The following SEC16A variants were observed in gnomAD, a reference collection of about 807,000 sequenced individuals.
The protein encoded by SEC16A is SEC16 homolog A, endoplasmic reticulum export factor.
A neutral mutation model predicts 221.9 loss-of-function variants in SEC16A; 110 were observed. The ratio of observed to expected loss-of-function variants is 0.50; its 90% CI spans 0.42 to 0.58. The LOEUF (loss-of-function observed/expected upper bound fraction) is 0.58. Among genes scored for constraint, SEC16A ranks in the 20% least tolerant of loss-of-function variants. The probability of loss-of-function intolerance (pLI) is 0.00; values close to 1 mark genes in which losing one functional copy is unlikely to be tolerated. For synonymous variants in SEC16A, 1,393 were observed against 1,257.7 expected, an observed-to-expected ratio of 1.11 and a Z score of -2.28; for missense variants, 3,165 against 3,097.8, an observed-to-expected ratio of 1.02 and a Z score of -0.52.
chr9:136,468,869 G>C (rs1429432818), intron 4 of SEC16A, among the ~76,000 whole-genome samples: 1 of 150,170 alleles, frequency 6.7e-6, no homozygotes, highest in African/African-American at 2.5e-5. Flanking sequence ...TTTTTTTCTT[G>C]AGACAGGTTT....
At chr9:136,453,622 G>C in intron 21 of SEC16A, 112 bp from the exon 22 acceptor site, 1 of 784,600 alleles carries the variant, frequency 1.3e-6, no homozygotes, top group Non-Finnish European at 2.2e-6. Flanking sequence ...CGCCACACCA[G>C]CATGATCTGC....
At chr9:136,481,363 C>CT (rs889523317) in intron 1 of SEC16A, among the ~76,000 whole-genome samples, 1 of 152,160 alleles carries the variant, frequency 6.6e-6, no homozygotes, top group Non-Finnish European at 1.5e-5. Context: ...TGGTCTCGAT[C>CT]TCCTGACCTC....
chr9:136,465,656 G>C (rs1173936609), intron 8 of SEC16A, among the ~76,000 whole-genome samples: 1 of 152,220 alleles, frequency 6.6e-6, no homozygotes, highest in East Asian at 1.9e-4. Flanking sequence ...GCTGAGCCAC[G>C]GGGTCTGCGA....
rs767503293 is a variant in SEC16A at position 136,456,128 on chromosome 9, T to C, written c.5589A>G (p.Lys1863=). The change falls in exon 19 of 32, where the codon AAA becomes AAG. Residue 1863 remains lysine, a synonymous_variant. Coordinates refer to ENST00000684901, the MANE Select transcript of SEC16A (RefSeq NM_014866.2). ...SQLRLFDPQL[K]EKPEEESLAA... ...CCAAGGACTCCTCTTCTGGCTTCTC[T>C]TTCAGCTGGGGATCGAAGAGTCGTA... The C allele has an allele frequency of 2.5e-6, 4 of 1,612,632 alleles. No homozygotes were observed. Among genetic ancestry groups the C allele is most frequent in the Non-Finnish European group, 3.4e-6 (4 of 1,179,818 alleles).
rs770240738 is a variant in SEC16A at position 136,474,921 on chromosome 9, G to A, written c.2695C>T (p.Pro899Ser). The A allele has an allele frequency of 1.9e-6, 3 of 1,613,850 alleles. No individual in the cohort carries two copies. The highest frequency in any genetic ancestry group is 1.7e-5 in the Admixed American group (1 of 60,016). ...AAATTACTTTGGGCAACACTGCTAG[G>A]CAGAGACAAGCTAAGGACAGAGCTG... ...PTSSVLSLSL[P>S]SSVAQSNFPQ... The change falls in exon 3 of 32, where the codon CCT (proline) becomes TCT (serine). Residue 899 changes from proline (P) to serine (S), a missense_variant. Physicochemically the swap from Pro to Ser is moderately conservative, Grantham distance 74. Coordinates refer to ENST00000684901, the MANE Select transcript of SEC16A (RefSeq NM_014866.2).
rs1839480051 is a variant in SEC16A at position 136,461,558 on chromosome 9, C to T, written c.4894-284G>A. ...ATCACAAACAGGGCTAATCACGCAG[C>T]GCTGCCCACCACGCCGCCCCATCCA... On this transcript the variant is annotated intron_variant, in intron 12 of 31. Coordinates refer to ENST00000684901, the MANE Select transcript of SEC16A (RefSeq NM_014866.2). Among the ~76,000 whole-genome samples the T allele has an allele frequency of 2.6e-5, 4 of 152,184 alleles. No homozygotes were observed. In the South Asian group the frequency reaches 6.2e-4, roughly 24 times the overall value.
rs1316887372 is a variant in SEC16A, at chr9:136,478,766, C to A, written c.-127G>T. ...GGAAGATCACTTGTGTCCATGAGTT[C>A]GAGGCTGCAGTGAGCTATGATTATA... On this transcript the variant is annotated 5_prime_UTR_variant, in exon 2 of 32. Coordinates refer to ENST00000684901, the MANE Select transcript of SEC16A (RefSeq NM_014866.2). 6.6e-6 allele frequency among the ~76,000 whole-genome samples: 1 copy of A among 151,724 alleles called. No homozygotes were observed. The highest frequency in any genetic ancestry group is 1.5e-5 in the Non-Finnish European group (1 of 67,964).
chr9:136,477,719 C>T (rs1841832597), intron 2 of SEC16A, 35 bp from the exon 3 acceptor site: 2 of 1,433,860 alleles, frequency 1.4e-6, no homozygotes, highest in Non-Finnish European at 9.1e-7. Flanking sequence ...GCATAAAATC[C>T]ATATATTCAA....
In SEC16A at chr9:136,476,989, C is replaced by A; in HGVS notation, c.627G>T (p.Leu209=). 1 of 1,613,346 alleles carries A rather than the reference C, an allele frequency of 6.2e-7. No individual in the cohort carries two copies. Among genetic ancestry groups the A allele is most frequent in the South Asian group, 1.1e-5 (1 of 91,086 alleles). The change falls in exon 3 of 32, where the codon CTG becomes CTT. Residue 209 remains leucine, a synonymous_variant. Coordinates refer to ENST00000684901, the MANE Select transcript of SEC16A (RefSeq NM_014866.2). Reference sequence around the variant, plus strand: ...CTGGCCCCCACTGTCCTGGCATCTGCAGACCAGGCTGAGGGAGGGAAGGGG... The same window carrying A: ...CTGGCCCCCACTGTCCTGGCATCTGAAGACCAGGCTGAGGGAGGGAAGGGG... ...AASPSLPQPG[L]QMPGQWGPVQ... is the part of the protein sequence containing the mutation.
chr9:136,451,095 TACACAG>T (rs1374637501), intron 23 of SEC16A, among the ~76,000 whole-genome samples, 155 bp downstream of exon 23: 1 of 152,128 alleles, frequency 6.6e-6, no homozygotes, highest in African/African-American at 2.4e-5. Context: ...AAGGCACAAA[TACACAG>T]ACACCCATCA....
chr9:136,446,350 C>T (rs13301660), intron 28 of SEC16A, among the ~76,000 whole-genome samples: 30,125 of 151,442 alleles, frequency 0.2, 3,458 homozygotes, highest in Non-Finnish European at 0.27. Context: ...CTCAGGTGAC[C>T]CGCCCAGCTC....
At position 136,464,670 on chromosome 9, in the gene SEC16A, C is replaced by A. The variant is rs186292102; in HGVS notation, c.4304-108G>T. On this transcript the variant is annotated intron_variant, in intron 8 of 31. Coordinates refer to ENST00000684901, the MANE Select transcript of SEC16A (RefSeq NM_014866.2). ...CTTAAATCACAGGTTAGATTTATCA[C>A]GACAGACTTCCAACTCAAAAGTCGG... 5 of 973,088 alleles carry A rather than the reference C, an allele frequency of 5.1e-6. No individual in the cohort carries two copies. The East Asian group carries it at 9.7e-5, about 19-fold the overall frequency. The allele number at this position is 973,088 out of a possible 1,614,324, so 60.3% of individuals were successfully genotyped here. A position where few individuals can be genotyped will look rare whatever the true frequency, so the allele number is the denominator to read the frequency against.
At chr9:136,449,681 C>G (rs982504604) in intron 23 of SEC16A, among the ~76,000 whole-genome samples, 2 of 152,218 alleles carry the variant, frequency 1.3e-5, no homozygotes, top group African/African-American at 4.8e-5. Context: ...GCCTCAGCAG[C>G]TACTACACAC....
Position 136,454,214 on chromosome 9 carries a change from G to A in SEC16A, c.5971C>T (p.Pro1991Ser). ...GAGGGCTCCAGGAAGCCAAGTGCAG[G>A]CCCTGGGGTCACACAGCCAGGACCC... ...EPGPGCVTPG[P>S]ALGFLEPSGP... is the part of the protein sequence containing the mutation. The change falls in exon 21 of 32, where the codon CCT becomes TCT. Residue 1991 changes from proline to serine, a missense_variant. Transcript: ENST00000684901. The A allele has an allele frequency of 6.4e-7, 1 of 1,567,266 alleles. No homozygotes were observed. Among genetic ancestry groups the A allele is most frequent in the East Asian group, 2.3e-5 (1 of 42,574 alleles).
At chr9:136,463,892 T>C (rs528080268) in intron 9 of SEC16A, among the ~76,000 whole-genome samples, 152 bp from the exon 10 acceptor site, 12 of 152,382 alleles carry the variant, frequency 7.9e-5, no homozygotes, top group Middle Eastern at 3.4e-3. Context: ...CTGTCGAGGC[T>C]GTTACATGGA....
At chr9:136,455,085 G>A (rs1473237267) in intron 20 of SEC16A, among the ~76,000 whole-genome samples, 1 of 152,220 alleles carries the variant, frequency 6.6e-6, no homozygotes, top group Non-Finnish European at 1.5e-5. Context: ...GCAGGAAGGA[G>A]CCCGTGCTCA....
rs12375759 is a variant in SEC16A at position 136,462,952 on chromosome 9, C to T, written c.4828G>A (p.Ala1610Thr). 4.4e-6 allele frequency: 7 copies of T among 1,606,422 alleles called. No homozygotes were observed. Among genetic ancestry groups the T allele is most frequent in the Non-Finnish European group, 5.9e-6 (7 of 1,179,862 alleles). ...LSFLTGGPAA[A>T]ASSLERETER... ...GTCTCTCTCTCGAGCGAGCTGGCGG[C>T]AGCCGCCGGACCACCAGTGAGGAAA... is the stretch of plus-strand genomic sequence containing the variant. Residue 1610 changes from alanine (A) to threonine (T), a missense_variant, in exon 12 of 32, where the codon GCC becomes ACC. Physicochemically the swap from Ala to Thr is moderately conservative, Grantham distance 58. Around this residue, in one of 3 missense-constraint regions of SEC16A, gnomAD observed 1,088 missense variants for 1,089.6 expected, o/e 1.00. Transcript: ENST00000684901.
chr9:136,447,219 C>G lies in SEC16A; in HGVS notation c.6697+8G>C. 6.3e-7 allele frequency: 1 copy of G among 1,588,686 alleles called. No homozygotes were observed. Among genetic ancestry groups the G allele is most frequent in the Non-Finnish European group, 8.6e-7 (1 of 1,168,802 alleles). On this transcript the variant is annotated splice_region_variant and intron_variant, in intron 27 of 31. Coordinates refer to ENST00000684901, the MANE Select transcript of SEC16A (RefSeq NM_014866.2). This position sits in a 1 kb window ranked among gnomAD's most constrained non-coding sequence, Gnocchi z 5.5. ...TGACCTGGAGGGGCTGGTGCTCGTG[C>G]TACCTACCTGGGGTTGGCACGAACA...
intron 31 of SEC16A, among the ~76,000 whole-genome samples, chr9:136,442,116 A>C (rs1836269836): frequency 6.6e-6 from 1 of 152,222 alleles, no homozygotes; most frequent in South Asian, 2.1e-4. Flanking sequence ...CTGCAGAGCC[A>C]GCCTGGCTGT....
Sources: gnomAD v4.1 joint callset for allele counts (sites outside exome capture counted in the v4.1 genomes callset) on GRCh38, gnomAD v4.1.1 for gene constraint, gnomAD v4.1.1 regional missense constraint, Gnocchi (gnomAD v3.1) non-coding constraint, MANE v1.5 for transcripts, NCBI Gene and HGNC (gene_info 2026-07-23, HGNC 2026-07-21) for gene names.